Variants in DOCK10 observed in about 807,000 individuals in gnomAD.
DOCK10 encodes the protein dedicator of cytokinesis 10.
Under a neutral mutation model 280.1 loss-of-function variants are expected in DOCK10, and 145 were observed. The ratio of observed to expected loss-of-function variants is 0.52; its 90% CI spans 0.45 to 0.59. The LOEUF is 0.59. Among genes scored for constraint, DOCK10 ranks in the 20% least tolerant of loss-of-function variants. DOCK10 has a pLI of 0.00. For missense variants in DOCK10, 2,368 were observed against 2,651.7 expected (o/e 0.89, Z 2.35); for synonymous variants, 915 against 942.2 (o/e 0.97, Z 0.53).
chr2:224,886,446 A>T lies in DOCK10; in HGVS notation c.489+13T>A, dbSNP rs777425406. 6.2e-7 allele frequency: 1 copy of T among 1,602,566 alleles called. No homozygotes were observed. Among genetic ancestry groups the T allele is most frequent in the South Asian group, 1.1e-5 (1 of 90,350 alleles). ...TCATGTTTTAAACATCTCACTTTCAACTATTTACTTACTTCATCCTTATCA... is the reference window on the plus strand; with the variant it reads ...TCATGTTTTAAACATCTCACTTTCATCTATTTACTTACTTCATCCTTATCA... On this transcript the variant is annotated intron_variant, in intron 5 of 55. Transcript: ENST00000258390.
At chr2:225,024,736 A>AT (rs1689873647) in intron 1 of DOCK10, among the ~76,000 whole-genome samples, 1 of 151,446 alleles carries the variant, frequency 6.6e-6, no homozygotes, top group Non-Finnish European at 1.5e-5. Flanking sequence ...ACAAAAAAAA[A>AT]AAAATTTAGC....
intron 7 of DOCK10, among the ~76,000 whole-genome samples, chr2:224,881,431 C>T (rs972520705): frequency 1.3e-5 from 2 of 152,176 alleles, no homozygotes; most frequent in South Asian, 2.1e-4. Context: ...TAAAGCTCCA[C>T]ATGAACATAT....
chr2:224,968,699 T>C (rs1704911367), intron 1 of DOCK10, among the ~76,000 whole-genome samples: 1 of 152,228 alleles, frequency 6.6e-6, no homozygotes, highest in South Asian at 2.1e-4. Flanking sequence ...AGATTATTTT[T>C]CCATACATAC....
chr2:225,016,643 GTGCAC>G (rs1689610067), intron 1 of DOCK10, among the ~76,000 whole-genome samples: 2 of 34,500 alleles, frequency 5.8e-5, no homozygotes, highest in African/African-American at 1.3e-4. Context: ...ATATATCTAT[GTGCAC>G]ATAGATACAT....
In DOCK10 at chr2:224,795,030, G is replaced by A. The variant is rs1224227791; in HGVS notation, c.5003C>T (p.Thr1668Ile). 1 of 1,613,836 alleles carries A rather than the reference G, an allele frequency of 6.2e-7. No homozygotes were observed. The highest frequency in any genetic ancestry group is 8.5e-7 in the Non-Finnish European group (1 of 1,179,886). ...CTTCTCGTGCTCCTTCATCTGAGCT[G>A]TGGCCATCAAAACAGTCCTTATACG... ...TKRIRTVLMA[T>I]AQMKEHEKDP... The change falls in exon 45 of 56, where the codon ACA becomes ATA. Residue 1668 changes from threonine to isoleucine, a missense_variant. Coordinates refer to ENST00000258390, the MANE Select transcript of DOCK10 (RefSeq NM_014689.3).
chr2:224,971,899 G>A (rs1188331294), intron 1 of DOCK10, among the ~76,000 whole-genome samples: 1 of 152,006 alleles, frequency 6.6e-6, no homozygotes. Context: ...TTTTTATATT[G>A]ATTACATGCC....
chr2:224,996,276 A>T (rs1706270768), intron 1 of DOCK10, among the ~76,000 whole-genome samples: 1 of 152,206 alleles, frequency 6.6e-6, no homozygotes, highest in South Asian at 2.1e-4. Context: ...ATGACAACTG[A>T]ATTAGTAGAA....
chr2:224,765,872 C>G, intron 55 of DOCK10, 35 bp from the exon 56 acceptor site: 1 of 1,528,908 alleles, frequency 6.5e-7, no homozygotes, highest in South Asian at 1.1e-5. Context: ...CAACAGAATG[C>G]AGAGGTTAAT....
chr2:224,943,761 C>CTTTTTTTT (rs67538456), intron 1 of DOCK10, among the ~76,000 whole-genome samples: 2 of 107,410 alleles, frequency 1.9e-5, no homozygotes, highest in Non-Finnish European at 1.9e-5. Context: ...TTTTTCTTTT[C>CTTTTTTTT]TTTTTTTTTT....
At chr2:224,985,692 C>G (rs1575149899) in intron 1 of DOCK10, among the ~76,000 whole-genome samples, 1 of 151,748 alleles carries the variant, frequency 6.6e-6, no homozygotes, top group African/African-American at 2.4e-5. Flanking sequence ...CGTACTGAAT[C>G]CTAGGAGGAT....
chr2:224,858,277 G>C (rs1697274898), intron 14 of DOCK10, among the ~76,000 whole-genome samples: 1 of 152,108 alleles, frequency 6.6e-6, no homozygotes, highest in Non-Finnish European at 1.5e-5. Context: ...CACTTACATT[G>C]GACACTTTTC....
At position 224,864,880 on chromosome 2, in the gene DOCK10, T is replaced by G. The variant is rs1697782139; in HGVS notation, c.1465A>C (p.Lys489Gln). 1.9e-6 allele frequency: 3 copies of G among 1,613,992 alleles called. No homozygotes were observed. In the East Asian group the frequency reaches 6.7e-5, roughly 36 times the overall value. Residue 489 changes from lysine (K) to glutamine (Q), a missense_variant, in exon 12 of 56, where the codon AAA becomes CAA. Lys to Gln is a moderately conservative substitution (Grantham distance 53). This residue lies in a region of DOCK10 where 1,209 missense variants were observed against 1,250.9 expected (regional missense o/e 0.97). Transcript: ENST00000258390. ...CAAAGTGCCACCTGCTTTGGAAATT[T>G]TAGCCATTCCTCTGGAAGTCCCTTG... ...HIKGLPEEWL[K>Q]FPKQAVFSVS...
At chr2:224,788,338 T>C (rs1029430197) in intron 48 of DOCK10, among the ~76,000 whole-genome samples, 2 of 152,182 alleles carry the variant, frequency 1.3e-5, no homozygotes, top group Admixed American at 1.3e-4. Context: ...AGCAAATGTA[T>C]GATATTATTG....
chr2:224,844,059 T>C (rs1338572257), intron 22 of DOCK10, among the ~76,000 whole-genome samples: 1 of 152,190 alleles, frequency 6.6e-6, no homozygotes, highest in Non-Finnish European at 1.5e-5. Context: ...GGCCTTCCAA[T>C]TAGGTGAGCC....
At chr2:224,999,304 T>A (rs1706362169) in intron 1 of DOCK10, among the ~76,000 whole-genome samples, 1 of 152,080 alleles carries the variant, frequency 6.6e-6, no homozygotes, top group Non-Finnish European at 1.5e-5. Context: ...ATTCCTGGCT[T>A]TAAAGATCCT....
rs75307413 is a variant in DOCK10, at chr2:224,940,105, C to T, written c.124-8437G>A. On this transcript the variant is annotated intron_variant, in intron 1 of 55. Coordinates refer to ENST00000258390, the MANE Select transcript of DOCK10 (RefSeq NM_014689.3). ...CCCAGCAAGACCCATTCAACGCTTT[C>T]CTGCCGAACTCTGAATCTTGAGTGG... is the stretch of plus-strand genomic sequence containing the variant. 4.6e-3 allele frequency among the ~76,000 whole-genome samples: 706 copies of T among 152,276 alleles called. 4 individuals carry two copies. The highest frequency in any genetic ancestry group is 0.016 in the African/African-American group (669 of 41,566).
chr2:224,910,025 T>TGA (rs1196642497), intron 3 of DOCK10, among the ~76,000 whole-genome samples: 1 of 152,202 alleles, frequency 6.6e-6, no homozygotes, highest in Admixed American at 6.5e-5. Context: ...TAGAGAGCAG[T>TGA]GAGAGAAAAC....
chr2:224,897,959 G>T (rs995891247), intron 3 of DOCK10, among the ~76,000 whole-genome samples: 5 of 152,102 alleles, frequency 3.3e-5, no homozygotes, highest in African/African-American at 1.2e-4. Flanking sequence ...AGCTATCATT[G>T]GGATTATATG....
chr2:224,886,157 C>G lies in DOCK10; in HGVS notation c.518G>C (p.Gly173Ala), dbSNP rs201155796. ...EDTTSHSSSK[G>A]GGGAGGTGVF... is the part of the protein sequence containing the mutation. ...ACCAGTTCCTCCCGCTCCTCCACCCCCCTTGGAAGACGAGTGGGAAGTGGT... is the reference window on the plus strand; with the variant it reads ...ACCAGTTCCTCCCGCTCCTCCACCCGCCTTGGAAGACGAGTGGGAAGTGGT... The change falls in exon 6 of 56, where the codon GGG becomes GCG. Residue 173 changes from glycine (G) to alanine (A), a missense_variant. Transcript: ENST00000258390. 1,082 of 1,613,848 alleles carry G rather than the reference C, an allele frequency of 6.7e-4. 2 individuals are homozygous for G. Among genetic ancestry groups the G allele is most frequent in the South Asian group, 1.3e-3 (115 of 91,068 alleles).
Sources: gnomAD v4.1 joint callset for allele counts (sites outside exome capture counted in the v4.1 genomes callset) on GRCh38, gnomAD v4.1.1 for gene constraint, gnomAD v4.1.1 regional missense constraint, MANE v1.5 for transcripts, NCBI Gene and HGNC (gene_info 2026-07-23, HGNC 2026-07-21) for gene names.